NEK7: variants seen among roughly 807,000 people sequenced by gnomAD.
The protein encoded by NEK7 is serine/threonine-protein kinase Nek7.
NEK7 carries 18 observed loss-of-function variants against 44.6 expected under a neutral mutation model. That is an observed-to-expected ratio of 0.40 (90% CI 0.28 to 0.60). The LOEUF is 0.60. NEK7 is among the 20% of genes least tolerant of loss of function. The pLI is 0.38. For synonymous variants in NEK7, 130 were observed against 121.1 expected (o/e 1.07, Z -0.48); for missense variants, 256 against 366.5 (o/e 0.70, Z 2.46).
At position 198,321,116 on chromosome 1, in the gene NEK7, T is replaced by C. The variant is rs1312637313; in HGVS notation, c.*1594T>C. ...CCCTTTAGCCGATGTAACTGCTGGTTTTGTTTTTCATATGTGTTTTTCTTA... is the reference window on the plus strand; with the variant it reads ...CCCTTTAGCCGATGTAACTGCTGGTCTTGTTTTTCATATGTGTTTTTCTTA... On this transcript the variant is annotated 3_prime_UTR_variant, in exon 10 of 10. Transcript: ENST00000367385. 2.6e-5 allele frequency: 4 copies of C among 152,210 alleles called. No homozygotes were observed. The highest frequency in any genetic ancestry group is 5.9e-5 in the Non-Finnish European group (4 of 68,030). The allele number at this position is 152,210 out of a possible 1,614,324, so 9.4% of individuals were successfully genotyped here. A position where few individuals can be genotyped will look rare whatever the true frequency, so the allele number is the denominator to read the frequency against.
intron 2 of NEK7, among the ~76,000 whole-genome samples, chr1:198,236,772 G>C (rs940367179): frequency 6.6e-6 from 1 of 152,092 alleles, no homozygotes; most frequent in Non-Finnish European, 1.5e-5. Context: ...TACTGGGTCC[G>C]TGCTACTATG....
At chr1:198,189,686 C>T (rs1026206798) in intron 1 of NEK7, among the ~76,000 whole-genome samples, 1 of 152,076 alleles carries the variant, frequency 6.6e-6, no homozygotes, top group African/African-American at 2.4e-5. Context: ...AGTATTTGTT[C>T]TTTTGGGACA....
intron 9 of NEK7, among the ~76,000 whole-genome samples, chr1:198,310,756 T>C (rs80002998): frequency 0.51 from 77,222 of 151,548 alleles, 22,305 homozygotes; most frequent in East Asian, 0.89. Context: ...TGTAGATACG[T>C]GGCATTATTT....
chr1:198,242,974 A>G (rs1666732908), intron 2 of NEK7, among the ~76,000 whole-genome samples: 1 of 151,900 alleles, frequency 6.6e-6, no homozygotes, highest in Non-Finnish European at 1.5e-5. Context: ...CAGAGTGCTC[A>G]GTGCTTACCT....
At chr1:198,217,839 A>AT (rs1665967170) in intron 1 of NEK7, among the ~76,000 whole-genome samples, 2 of 124,570 alleles carry the variant, frequency 1.6e-5, no homozygotes, top group South Asian at 2.7e-4. Context: ...TACAATAGCT[A>AT]TAAAAAAAAA....
chr1:198,251,959 G>A (rs1316892662), intron 2 of NEK7, among the ~76,000 whole-genome samples: 1 of 152,056 alleles, frequency 6.6e-6, no homozygotes, highest in Non-Finnish European at 1.5e-5. Flanking sequence ...TCTTTTAATT[G>A]TGATGTTAAG....
chr1:198,286,468 G>A (rs1654373668), intron 7 of NEK7, among the ~76,000 whole-genome samples: 2 of 147,056 alleles, frequency 1.4e-5, no homozygotes, highest in African/African-American at 2.5e-5. Flanking sequence ...TTACCCCCTC[G>A]GTCCTTATGT....
chr1:198,254,459 A>T (rs1653182686), intron 3 of NEK7, among the ~76,000 whole-genome samples: 1 of 152,154 alleles, frequency 6.6e-6, no homozygotes, highest in African/African-American at 2.4e-5. Flanking sequence ...ACACGCACAC[A>T]CACTCACACA....
At chr1:198,252,580 T>A (rs1653087356) in intron 2 of NEK7, among the ~76,000 whole-genome samples, 1 of 121,784 alleles carries the variant, frequency 8.2e-6, no homozygotes, top group African/African-American at 3.1e-5. Context: ...AAAGTACATA[T>A]ATACACATAT....
At position 198,253,827 on chromosome 1, in the gene NEK7, G is replaced by C. The variant is rs182715744; in HGVS notation, c.198+647G>C. ...GTTGCAGTCCAACTGAGCTACCCTG[G>C]AATGCTCACTTGCCAGAGCCCTGAG... is the stretch of plus-strand genomic sequence containing the variant. On this transcript the variant is annotated intron_variant, in intron 3 of 9. Transcript: ENST00000367385. 8.5e-5 allele frequency among the ~76,000 whole-genome samples: 13 copies of C among 152,160 alleles called. No homozygotes were observed. The East Asian group carries it at 2.5e-3, about 29-fold the overall frequency.
At chr1:198,220,088 TG>T (rs1423714648) in intron 1 of NEK7, among the ~76,000 whole-genome samples, 2 of 152,046 alleles carry the variant, frequency 1.3e-5, no homozygotes, top group Non-Finnish European at 2.9e-5. Flanking sequence ...GGCATTCTTT[TG>T]TAAGAAGTAG....
chr1:198,170,146 G>T (rs1340430799), intron 1 of NEK7, among the ~76,000 whole-genome samples: 1 of 152,202 alleles, frequency 6.6e-6, no homozygotes, highest in Non-Finnish European at 1.5e-5. Flanking sequence ...GTCACTGTCA[G>T]GATATTCAGG....
intron 9 of NEK7, among the ~76,000 whole-genome samples, chr1:198,303,183 G>A (rs183104694): frequency 1.6e-4 from 25 of 152,182 alleles, no homozygotes; most frequent in Admixed American, 1.2e-3. Context: ...ATACATTTGA[G>A]TATGAAAAAC....
chr1:198,265,959 C>T (rs145543205), intron 5 of NEK7, among the ~76,000 whole-genome samples: 5 of 152,084 alleles, frequency 3.3e-5, no homozygotes, highest in African/African-American at 1.2e-4. Flanking sequence ...GTATTACTGA[C>T]CCAATTTTAT....
intron 1 of NEK7, among the ~76,000 whole-genome samples, chr1:198,229,952 A>G (rs1666338169): frequency 6.6e-6 from 1 of 152,202 alleles, no homozygotes; most frequent in South Asian, 2.1e-4. Flanking sequence ...ATAACCTAGT[A>G]CAGAATTTCT....
intron 1 of NEK7, among the ~76,000 whole-genome samples, chr1:198,228,275 G>A (rs1384553113): frequency 6.6e-6 from 1 of 152,158 alleles, no homozygotes; most frequent in African/African-American, 2.4e-5. Context: ...CTGTAGCCTT[G>A]TAGTATAGTT....
At chr1:198,207,936 C>T (rs1368392204) in intron 1 of NEK7, among the ~76,000 whole-genome samples, 12 of 152,096 alleles carry the variant, frequency 7.9e-5, no homozygotes, top group Non-Finnish European at 1.0e-4. Flanking sequence ...CCCAGACATC[C>T]TAATAGAACC....
At chr1:198,261,693 T>C (rs1220957144) in intron 3 of NEK7, among the ~76,000 whole-genome samples, 1 of 151,992 alleles carries the variant, frequency 6.6e-6, no homozygotes, top group African/African-American at 2.4e-5. Context: ...ATTGCTTTTT[T>C]AAATGTTATT....
At chr1:198,263,831 A>G (rs1445285106) in intron 4 of NEK7, among the ~76,000 whole-genome samples, 1 of 151,904 alleles carries the variant, frequency 6.6e-6, no homozygotes, top group Non-Finnish European at 1.5e-5. Flanking sequence ...TCTATCATTT[A>G]CTTCTTGCAT....
Sources: allele counts gnomAD v4.1 joint callset (sites outside exome capture counted in the v4.1 genomes callset), GRCh38; gene constraint gnomAD v4.1.1; transcripts MANE v1.5; gene names NCBI Gene and HGNC (gene_info 2026-07-23, HGNC 2026-07-21).